Variants in PTPRA observed in about 807,000 individuals in gnomAD.
PTPRA encodes the protein receptor-type tyrosine-protein phosphatase alpha.
Under a neutral mutation model 104.8 loss-of-function variants are expected in PTPRA, and 25 were observed. The ratio of observed to expected loss-of-function variants is 0.24; its 90% CI spans 0.17 to 0.33. The LOEUF (loss-of-function observed/expected upper bound fraction) is 0.33, where lower values mean the gene tolerates loss of function less well. PTPRA is among the 10% of genes least tolerant of loss of function. PTPRA has a pLI of 1.00. For missense variants in PTPRA, 765 were observed against 1,015.3 expected, an observed-to-expected ratio of 0.75 and a Z score of 3.35; for synonymous variants, 323 against 368.9, an observed-to-expected ratio of 0.88 and a Z score of 1.43.
chr20:2,869,300 A>C (rs2089400291), upstream of PTPRA, among the ~76,000 whole-genome samples: 2 of 151,904 alleles, frequency 1.3e-5, no homozygotes, highest in Non-Finnish European at 2.9e-5. Flanking sequence ...TATGCATTTC[A>C]ATAACTAGAG....
intron 12 of PTPRA, among the ~76,000 whole-genome samples, chr20:3,016,115 A>T (rs183983506): frequency 1.8e-3 from 277 of 152,354 alleles, no homozygotes; most frequent in South Asian, 0.01. Context: ...TATGTATATT[A>T]AAAAGACTGG....
intron 9 of PTPRA, among the ~76,000 whole-genome samples, chr20:2,991,219 C>T (rs1052876823): frequency 2.0e-5 from 3 of 152,080 alleles, no homozygotes; most frequent in Non-Finnish European, 4.4e-5. Flanking sequence ...ATTAGCCAGG[C>T]GTGGTGGCAC....
intron 17 of PTPRA, 83 bp downstream of exon 17, chr20:3,024,704 C>T (rs1159940929): frequency 6.6e-7 from 1 of 1,524,118 alleles, no homozygotes; most frequent in Non-Finnish European, 9.0e-7. Context: ...GTGCATTTGC[C>T]AACAGTAAAT....
rs1210958578 is a variant in PTPRA, at chr20:2,909,906, CAT to C, written c.-128-13294_-128-13293del. On this transcript the variant is annotated intron_variant, in intron 1 of 23. Coordinates refer to ENST00000399903, the MANE Select transcript of PTPRA (RefSeq NM_001385305.1). The stretch of plus-strand genomic sequence containing the variant: ...ATTAATTATAATATATAATATATGA[CAT>C]ATATATGTTATATATTGTTATATAT... Among the ~76,000 whole-genome samples the C allele has an allele frequency of 4.2e-3, 525 of 124,986 alleles. 10 individuals carry two copies. In the East Asian group the frequency reaches 0.048, roughly 11 times the overall value. The allele number at this position is 124,986 out of a possible 152,430, so 82.0% of individuals were successfully genotyped here.
chr20:2,879,199 C>T (rs959859757), intron 1 of PTPRA, among the ~76,000 whole-genome samples: 2 of 152,190 alleles, frequency 1.3e-5, no homozygotes, highest in African/African-American at 4.8e-5. Context: ...ACAACATTTG[C>T]AGTTAAACAT....
At chr20:2,910,872 T>C (rs1415653852) in intron 1 of PTPRA, among the ~76,000 whole-genome samples, 1 of 151,176 alleles carries the variant, frequency 6.6e-6, no homozygotes, top group African/African-American at 2.4e-5. Context: ...CCCAAAGTGC[T>C]GGGATCACAG....
At chr20:3,019,758 C>T (rs2422837) in intron 13 of PTPRA, among the ~76,000 whole-genome samples, 80,030 of 151,530 alleles carry the variant, frequency 0.53, 21,416 homozygotes, top group East Asian at 0.8. Flanking sequence ...GCCAAGATCA[C>T]GCCACTGCAC....
the PTPRA span, among the ~76,000 whole-genome samples, chr20:2,867,527 GGC>G: frequency 2.0e-5 from 3 of 148,058 alleles, no homozygotes; most frequent in Non-Finnish European, 3.0e-5. Context: ...GCCCTCCGTT[GGC>G]ACTCCAGTGC....
At chr20:2,974,395 C>T (rs1032997157) in intron 5 of PTPRA, among the ~76,000 whole-genome samples, 3 of 151,734 alleles carry the variant, frequency 2.0e-5, no homozygotes, top group Non-Finnish European at 2.9e-5. Context: ...GGATTAAAGA[C>T]GTGAGCCACT....
chr20:2,935,620 T>A (rs1163412330), intron 2 of PTPRA, among the ~76,000 whole-genome samples: 1 of 152,206 alleles, frequency 6.6e-6, no homozygotes, highest in Admixed American at 6.5e-5. Flanking sequence ...TCTCCAAGGC[T>A]GTAGCACAGT....
intron 2 of PTPRA, among the ~76,000 whole-genome samples, chr20:2,947,394 TC>T (rs1026383651): frequency 6.6e-6 from 1 of 152,210 alleles, no homozygotes; most frequent in Non-Finnish European, 1.5e-5. Context: ...GAATTATACT[TC>T]CTGTATCTTA....
intron 18 of PTPRA, 72 bp from the exon 19 acceptor site, chr20:3,027,049 G>C: frequency 7.2e-7 from 1 of 1,390,812 alleles, no homozygotes; most frequent in Non-Finnish European, 9.7e-7. Context: ...CAGGGCCTGA[G>C]GTGGGAGCAA....
At chr20:2,931,406 G>A (rs2060498145) in intron 2 of PTPRA, among the ~76,000 whole-genome samples, 1 of 151,750 alleles carries the variant, frequency 6.6e-6, no homozygotes, top group African/African-American at 2.4e-5. Flanking sequence ...GGTTTAAAGG[G>A]AAGGTAATTA....
intron 9 of PTPRA, among the ~76,000 whole-genome samples, chr20:2,989,844 T>A (rs180909615): frequency 6.6e-6 from 1 of 152,020 alleles, no homozygotes; most frequent in African/African-American, 2.4e-5. Flanking sequence ...AGTGAAACCC[T>A]GTCTCTACTA....
chr20:2,990,660 G>T (rs191734738), intron 9 of PTPRA, among the ~76,000 whole-genome samples: 2 of 152,288 alleles, frequency 1.3e-5, no homozygotes, highest in Admixed American at 1.3e-4. Flanking sequence ...GAGCCTGCGG[G>T]GTGGAGGTTG....
intron 12 of PTPRA, among the ~76,000 whole-genome samples, chr20:3,016,960 A>G (rs2064491039): frequency 6.6e-6 from 1 of 152,158 alleles, no homozygotes. Flanking sequence ...TCAAATCACA[A>G]TTTGGGGTTA....
chr20:2,981,509 C>T (rs1165527566), intron 6 of PTPRA, among the ~76,000 whole-genome samples: 2 of 152,182 alleles, frequency 1.3e-5, no homozygotes, highest in Admixed American at 6.5e-5. Context: ...CTACAGTGCA[C>T]ATGACAGACC....
At chr20:2,922,495 G>A (rs2060131773) in intron 1 of PTPRA, among the ~76,000 whole-genome samples, 1 of 151,688 alleles carries the variant, frequency 6.6e-6, no homozygotes, top group Non-Finnish European at 1.5e-5. Context: ...ACCCACCACC[G>A]TGCCTGGCTA....
At position 2,901,834 on chromosome 20, in the gene PTPRA, A is replaced by G. The variant is rs547032768; in HGVS notation, c.-128-21373A>G. On this transcript the variant is annotated intron_variant, in intron 1 of 23. Transcript: ENST00000399903. ...GACTAGCAGTATAAATATCGTCCCCATTTAGATATTTTATTCATAAAGTTC... is the reference window on the plus strand; with the variant it reads ...GACTAGCAGTATAAATATCGTCCCCGTTTAGATATTTTATTCATAAAGTTC... Among the ~76,000 whole-genome samples the G allele has an allele frequency of 2.0e-5, 3 of 151,956 alleles. No homozygotes were observed. The South Asian group carries it at 6.2e-4, about 32-fold the overall frequency.
Sources: gnomAD v4.1 joint callset for allele counts (sites outside exome capture counted in the v4.1 genomes callset) on GRCh38, gnomAD v4.1.1 for gene constraint, MANE v1.5 for transcripts, NCBI Gene and HGNC (gene_info 2026-07-23, HGNC 2026-07-21) for gene names.